Variants in BCAS4 observed in about 807,000 individuals in gnomAD.
BCAS4 encodes breast carcinoma amplified sequence 4.
Under a neutral mutation model 15.7 loss-of-function variants are expected in BCAS4, and 9 were observed. The ratio of observed to expected loss-of-function variants is 0.57; its 90% CI spans 0.34 to 1.00. The LOEUF (loss-of-function observed/expected upper bound fraction) is 1.00. Ranked by LOEUF, BCAS4 falls within the 50% of genes least tolerant of loss-of-function variation. The probability of loss-of-function intolerance (pLI) is 0.02; values close to 1 mark genes in which losing one functional copy is unlikely to be tolerated. For synonymous variants in BCAS4, 101 were observed against 99.5 expected, an observed-to-expected ratio of 1.02 and a Z score of -0.09; for missense variants, 225 against 239.1, an observed-to-expected ratio of 0.94 and a Z score of 0.39.
At chr20:50,855,154 A>T (rs1978688072) in intron 4 of BCAS4, among the ~76,000 whole-genome samples, 1 of 152,020 alleles carries the variant, frequency 6.6e-6, no homozygotes, top group Non-Finnish European at 1.5e-5. Context: ...CCACTGGGGG[A>T]GGGGCCCAGG....
intron 4 of BCAS4, among the ~76,000 whole-genome samples, chr20:50,842,105 A>C (rs2088491856): frequency 6.6e-6 from 1 of 152,116 alleles, no homozygotes; most frequent in African/African-American, 2.4e-5. Context: ...GTGCTCATGT[A>C]CCATTTATTG....
intron 1 of BCAS4, among the ~76,000 whole-genome samples, chr20:50,811,226 A>C (rs1416233472): frequency 1.3e-5 from 2 of 152,198 alleles, no homozygotes; most frequent in East Asian, 1.9e-4. Flanking sequence ...GAAGCCAGGC[A>C]TGGTGGTGCC....
chr20:50,834,704 A>G (rs2088385654), intron 3 of BCAS4, among the ~76,000 whole-genome samples: 1 of 152,324 alleles, frequency 6.6e-6, no homozygotes, highest in African/African-American at 2.4e-5. Flanking sequence ...CCACATGTCT[A>G]TTAGCAACCA....
At chr20:50,796,006 G>C (rs1290532216) in intron 1 of BCAS4, among the ~76,000 whole-genome samples, 1 of 152,000 alleles carries the variant, frequency 6.6e-6, no homozygotes, top group Non-Finnish European at 1.5e-5. Flanking sequence ...ATGGGGATAG[G>C]GGACGGGGAA....
At chr20:50,799,947 C>T (rs745720318) in intron 1 of BCAS4, among the ~76,000 whole-genome samples, 3 of 152,062 alleles carry the variant, frequency 2.0e-5, no homozygotes, top group Non-Finnish European at 4.4e-5. Context: ...CTAGAGAGGC[C>T]GAGATGGGAA....
intron 4 of BCAS4, among the ~76,000 whole-genome samples, chr20:50,864,922 C>G (rs1022345891): frequency 5.3e-5 from 8 of 151,408 alleles, no homozygotes; most frequent in African/African-American, 1.7e-4. Flanking sequence ...GGTGAAACCC[C>G]GTCTCTACTA....
intron 1 of BCAS4, among the ~76,000 whole-genome samples, chr20:50,800,559 C>CT (rs562113048): frequency 0.17 from 19,174 of 112,564 alleles, 2,440 homozygotes; most frequent in African/African-American, 0.3. Flanking sequence ...TTGAACATCC[C>CT]TTTTTTTTTT....
At chr20:50,827,332 C>A (rs1192073732) in intron 2 of BCAS4, among the ~76,000 whole-genome samples, 3 of 152,200 alleles carry the variant, frequency 2.0e-5, no homozygotes, top group African/African-American at 7.2e-5. Flanking sequence ...GGAACGATCA[C>A]CACAGAGGAG....
At chr20:50,815,300 G>A (rs372061329) in intron 1 of BCAS4, among the ~76,000 whole-genome samples, 18 of 152,276 alleles carry the variant, frequency 1.2e-4, no homozygotes, top group Admixed American at 3.9e-4. Flanking sequence ...ATCCCACCCC[G>A]CTGGGGCATG....
chr20:50,849,514 G>A (rs2088584603), intron 4 of BCAS4, among the ~76,000 whole-genome samples: 1 of 152,248 alleles, frequency 6.6e-6, no homozygotes, highest in African/African-American at 2.4e-5. Flanking sequence ...CAGGCAGGGT[G>A]TGAGATGTCA....
rs1240041029 is a variant in BCAS4 at position 50,795,109 on chromosome 20, C to T, written c.26C>T (p.Pro9Leu). Residue 9 changes from proline (P) to leucine (L), a missense_variant, in exon 1 of 5, where the codon CCG becomes CTG. Physicochemically the swap from Pro to Leu is moderately conservative, Grantham distance 98. Transcript: ENST00000371608. ...ATGCTGCTCGTGGACGCTGATCAGC[C>T]GGAGCCCATGCGCAGCGGGGCGCGC... is the stretch of plus-strand genomic sequence containing the variant. MLLVDADQ[P>L]EPMRSGAREL... 3.3e-6 allele frequency: 5 copies of T among 1,496,874 alleles called. No individual in the cohort carries two copies. The South Asian group carries it at 3.8e-5, about 11-fold the overall frequency. The allele number at this position is 1,496,874 out of a possible 1,614,324, so 92.7% of individuals were successfully genotyped here. A position where few individuals can be genotyped will look rare whatever the true frequency, so the allele number is the denominator to read the frequency against.
At chr20:50,845,630 T>C (rs908665479) in intron 4 of BCAS4, among the ~76,000 whole-genome samples, 5 of 152,176 alleles carry the variant, frequency 3.3e-5, no homozygotes, top group Non-Finnish European at 7.4e-5. Context: ...GGCAGGTGTT[T>C]GAGGCCTCCC....
intron 4 of BCAS4, among the ~76,000 whole-genome samples, chr20:50,875,556 G>A (rs567373439): frequency 3.6e-4 from 53 of 147,470 alleles, no homozygotes; most frequent in African/African-American, 1.3e-3. Context: ...CCGGAGGCCA[G>A]GAATTTGAGA....
intron 2 of BCAS4, among the ~76,000 whole-genome samples, chr20:50,819,235 A>T (rs1225459793): frequency 6.6e-6 from 1 of 152,156 alleles, no homozygotes; most frequent in South Asian, 2.1e-4. Context: ...TGTTCCTAGG[A>T]TTGCTGCCAG....
chr20:50,812,121 G>T (rs76806511), intron 1 of BCAS4, among the ~76,000 whole-genome samples: 3 of 151,868 alleles, frequency 2.0e-5, no homozygotes, highest in Admixed American at 2.0e-4. Context: ...ATATTGGGTC[G>T]TGTCTACTTT....
intron 2 of BCAS4, among the ~76,000 whole-genome samples, chr20:50,826,558 A>G (rs558638901): frequency 9.8e-5 from 15 of 152,342 alleles, no homozygotes; most frequent in African/African-American, 3.4e-4. Context: ...TATTAACCCT[A>G]AAGTTTTTTT....
At position 50,829,589 on chromosome 20, in the gene BCAS4, G is replaced by A. The variant is rs1360931758; in HGVS notation, c.163-690G>A. Among the ~76,000 whole-genome samples the A allele has an allele frequency of 3.9e-5, 6 of 152,030 alleles. No individual in the cohort carries two copies. The East Asian group carries it at 9.6e-4, about 24-fold the overall frequency. On this transcript the variant is annotated intron_variant, in intron 2 of 4. Transcript: ENST00000371608. ...ATGAATATGTGGCCTTTTTTGCACA[G>A]CGAGGATATGATAACATGAAAATGG...
At chr20:50,876,418 G>A (rs760242092) in intron 4 of BCAS4, 68 bp from the exon 5 acceptor site, 155 of 1,580,056 alleles carry the variant, frequency 9.8e-5, no homozygotes, top group Middle Eastern at 6.7e-4. Flanking sequence ...CTTGTAGACC[G>A]GGAATTCCTG....
intron 2 of BCAS4, among the ~76,000 whole-genome samples, chr20:50,822,192 C>A (rs1003591203): frequency 9.9e-5 from 15 of 152,018 alleles, no homozygotes; most frequent in Admixed American, 9.8e-4. Flanking sequence ...ACGTGGCTGG[C>A]GTGGGCTTCC....
Sources: gnomAD v4.1 joint callset for allele counts (sites outside exome capture counted in the v4.1 genomes callset) on GRCh38, gnomAD v4.1.1 for gene constraint, MANE v1.5 for transcripts, NCBI Gene and HGNC (gene_info 2026-07-23, HGNC 2026-07-21) for gene names.